The following ACACA variants were observed in gnomAD, a reference collection of about 807,000 sequenced individuals.
The protein encoded by ACACA is acetyl-CoA carboxylase 1.
A neutral mutation model predicts 296.1 loss-of-function variants in ACACA; 103 were observed. The observed-to-expected ratio is 0.35, with a 90% CI of 0.30 to 0.41. The LOEUF is 0.41. Among genes scored for constraint, ACACA ranks in the 10% least tolerant of loss-of-function variants. The pLI is 1.00. For synonymous variants in ACACA, 953 were observed against 1,038.6 expected (o/e 0.92, Z 1.58); for missense variants, 1,554 against 2,989.7 (o/e 0.52, Z 11.20).
Position 37,257,050 on chromosome 17 carries a change from A to G in ACACA, c.1826+653T>C, listed in dbSNP as rs892201204. Among the ~76,000 whole-genome samples the G allele has an allele frequency of 2.6e-5, 4 of 152,180 alleles. No homozygotes were observed. The East Asian group carries it at 7.7e-4, about 29-fold the overall frequency. ...TTCAGCCCTATGTTTTAGGCAAGCAAAAGTGCTGTTAATTTAATATTCATT... is the reference window on the plus strand; with the variant it reads ...TTCAGCCCTATGTTTTAGGCAAGCAGAAGTGCTGTTAATTTAATATTCATT... On this transcript the variant is annotated intron_variant, in intron 14 of 55. Transcript: ENST00000616317.
intron 27 of ACACA, among the ~76,000 whole-genome samples, chr17:37,223,879 T>A: frequency 6.6e-6 from 1 of 152,270 alleles, no homozygotes; most frequent in East Asian, 1.9e-4. Context: ...ATGACTGTTA[T>A]TCTTTTCTGA....
intron 50 of ACACA, among the ~76,000 whole-genome samples, chr17:37,117,785 TAG>T (rs1412728319): frequency 5.2e-5 from 7 of 135,162 alleles, no homozygotes; most frequent in East Asian, 2.1e-4. Flanking sequence ...GGCCGACTAG[TAG>T]AGTTTTTTTT....
At chr17:37,375,051 C>T (rs186427683) in intron 1 of ACACA, among the ~76,000 whole-genome samples, 3 of 151,902 alleles carry the variant, frequency 2.0e-5, no homozygotes, top group Non-Finnish European at 2.9e-5. Context: ...AAAAATTAGC[C>T]GGCAGGGTGG....
Position 37,406,515 on chromosome 17 carries a change from A to G in ACACA, c.-216T>C. On this transcript the variant is annotated 5_prime_UTR_variant, in exon 1 of 56. Transcript: ENST00000616317. ...CCTGGGCCCAGTTCCCTCAGCCTCA[A>G]TTTCCCTTGCTGCAACAGGGGTGGA... The G allele has an allele frequency of 1.6e-6, 1 of 626,864 alleles. No homozygotes were observed. The highest frequency in any genetic ancestry group is 2.7e-5 in the Admixed American group (1 of 36,608). The allele number at this position is 626,864 out of a possible 1,614,324, so 38.8% of individuals were successfully genotyped here.
At position 37,151,370 on chromosome 17, in the gene ACACA, G is replaced by A; in HGVS notation, c.5499C>T (p.Asn1833=). The change falls in exon 44 of 56, where the codon AAC becomes AAT. Residue 1833 remains asparagine, a synonymous_variant. Transcript: ENST00000616317. ...CAGCAATCATTCCAGAACCTCGAAGGTTCTCGGGTCCAATTCCCTCTTCTT... is the reference window on the plus strand; with the variant it reads ...CAGCAATCATTCCAGAACCTCGAAGATTCTCGGGTCCAATTCCCTCTTCTT... ...IGKEEGIGPE[N]LRGSGMIAGE... 1 of 1,613,914 alleles carries A rather than the reference G, an allele frequency of 6.2e-7. No homozygotes were observed. Among genetic ancestry groups the A allele is most frequent in the Non-Finnish European group, 8.5e-7 (1 of 1,179,926 alleles).
rs375888224 is a variant in ACACA at position 37,257,798 on chromosome 17, A to G, written c.1731T>C (p.Tyr577=). 5.0e-6 allele frequency: 8 copies of G among 1,614,216 alleles called. No individual in the cohort carries two copies. The highest frequency in any genetic ancestry group is 5.9e-6 in the Non-Finnish European group (7 of 1,180,026). Reference sequence around the variant, plus strand: ...GTCCCCCTGCAGCAGCAACACTGAAATATCCCCAAACATTCTTATTGCTGC... The same window carrying G: ...GTCCCCCTGCAGCAGCAACACTGAAGTATCCCCAAACATTCTTATTGCTGC... The part of the protein sequence containing the change: ...NFRSNKNVWG[Y]FSVAAAGGLH... The change falls in exon 14 of 56, where the codon TAT becomes TAC. Residue 577 remains tyrosine, a synonymous_variant. Transcript: ENST00000616317.
intron 29 of ACACA, among the ~76,000 whole-genome samples, chr17:37,216,220 A>ATG (rs2078993322): frequency 6.6e-6 from 1 of 150,910 alleles, no homozygotes; most frequent in Admixed American, 6.6e-5. Context: ...ATATATATAT[A>ATG]TATATATGTT....
At position 37,191,943 on chromosome 17, in the gene ACACA, T is replaced by C. The variant is rs1364771444; in HGVS notation, c.4416+147A>G. 8.6e-6 allele frequency: 7 copies of C among 816,354 alleles called. No homozygotes were observed. In the East Asian group the frequency reaches 1.3e-4, roughly 16 times the overall value. 50.6% of individuals were successfully genotyped at this position (816,354 alleles called of 1,614,324 possible). A position where few individuals can be genotyped will look rare whatever the true frequency, so the allele number is the denominator to read the frequency against. ...ATATTTACTTTTGTAAACATTGAAA[T>C]AGAACAAGAACCTTGATTCAAAAAA... On this transcript the variant is annotated intron_variant, in intron 37 of 55. Coordinates refer to ENST00000616317, the MANE Select transcript of ACACA (RefSeq NM_198834.3).
At chr17:37,087,829 G>A (rs9330248) in intron 55 of ACACA, among the ~76,000 whole-genome samples, 37,249 of 152,104 alleles carry the variant, frequency 0.24, 5,623 homozygotes, top group African/African-American at 0.4. Flanking sequence ...GGACTGAGTG[G>A]TGACTGGTAA....
chr17:37,363,305 C>T (rs1380309074), intron 1 of ACACA, among the ~76,000 whole-genome samples: 3 of 149,254 alleles, frequency 2.0e-5, no homozygotes, highest in African/African-American at 7.4e-5. Context: ...GCCTCAGCCT[C>T]TCAAGTAGCT....
chr17:37,099,604 C>A (rs868566433), intron 52 of ACACA, among the ~76,000 whole-genome samples: 47 of 110,380 alleles, frequency 4.3e-4, no homozygotes, highest in East Asian at 2.1e-3. Context: ...GGGCTGATGG[C>A]GGGAGGGCTG....
chr17:37,224,163 C>G (rs544579137), intron 27 of ACACA, among the ~76,000 whole-genome samples: 9 of 152,330 alleles, frequency 5.9e-5, no homozygotes, highest in African/African-American at 2.2e-4. Context: ...GATTATGCCA[C>G]TGCACTCCAG....
chr17:37,399,962 T>C (rs1476916499), intron 1 of ACACA, among the ~76,000 whole-genome samples: 13 of 152,132 alleles, frequency 8.5e-5, no homozygotes, highest in Non-Finnish European at 1.8e-4. Flanking sequence ...CATGTGTTGA[T>C]AGATGTACTC....
chr17:37,244,765 T>C (rs2080608597), intron 20 of ACACA, 31 bp from the exon 21 acceptor site: 7 of 1,614,138 alleles, frequency 4.3e-6, no homozygotes, highest in Non-Finnish European at 4.2e-6. Context: ...TCAAGTCATC[T>C]ACTACTTTTG....
chr17:37,258,714 G>C (rs780456229), intron 12 of ACACA, among the ~76,000 whole-genome samples: 9 of 152,166 alleles, frequency 5.9e-5, no homozygotes, highest in Non-Finnish European at 1.0e-4. Context: ...CAGCTAGAAA[G>C]TCTTAATTGT....
At chr17:37,340,055 T>C (rs1474181483) in intron 1 of ACACA, among the ~76,000 whole-genome samples, 2 of 152,214 alleles carry the variant, frequency 1.3e-5, no homozygotes, top group African/African-American at 2.4e-5. Flanking sequence ...ATAAAGACTA[T>C]TGTTTAAGAA....
intron 1 of ACACA, among the ~76,000 whole-genome samples, chr17:37,340,124 T>C (rs1447816038): frequency 6.6e-6 from 1 of 152,208 alleles, no homozygotes; most frequent in Non-Finnish European, 1.5e-5. Context: ...AATTGTATAC[T>C]CGATGAATAC....
intron 29 of ACACA, among the ~76,000 whole-genome samples, chr17:37,213,348 CAAAAAAAAAAAA>C (rs11353673): frequency 2.5e-5 from 2 of 78,616 alleles, no homozygotes; most frequent in African/African-American, 7.7e-5. Flanking sequence ...AAGTAAGTCT[CAAAAAAAAAAAA>C]AAAAAAAAAG....
chr17:37,237,848 C>T (rs940013972), intron 24 of ACACA, among the ~76,000 whole-genome samples: 2 of 152,184 alleles, frequency 1.3e-5, no homozygotes, highest in African/African-American at 4.8e-5. Flanking sequence ...ACAGCCTCGA[C>T]CTCCCCAGGC....
Sources: allele counts gnomAD v4.1 joint callset (sites outside exome capture counted in the v4.1 genomes callset), GRCh38; gene constraint gnomAD v4.1.1; transcripts MANE v1.5; gene names NCBI Gene and HGNC (gene_info 2026-07-23, HGNC 2026-07-21).